The following ZER1 variants were observed in gnomAD, a reference collection of about 807,000 sequenced individuals.
ZER1 encodes protein zer-1 homolog.
A neutral mutation model predicts 78.8 loss-of-function variants in ZER1; 11 were observed. The ratio of observed to expected loss-of-function variants is 0.14; its 90% CI spans 0.09 to 0.23. The LOEUF (loss-of-function observed/expected upper bound fraction) is 0.23, where lower values mean the gene tolerates loss of function less well. Ranked by LOEUF, ZER1 falls within the 10% of genes least tolerant of loss-of-function variation. The pLI is 1.00. For missense variants in ZER1, 588 were observed against 996.9 expected (o/e 0.59, Z 5.52); for synonymous variants, 400 against 407.0 (o/e 0.98, Z 0.21).
chr9:128,753,760 C>A lies in ZER1; in HGVS notation c.309+49G>T, dbSNP rs1408514739. The A allele has an allele frequency of 6.3e-6, 10 of 1,583,964 alleles. No individual in the cohort carries two copies. Among genetic ancestry groups the A allele is most frequent in the South Asian group, 1.1e-5 (1 of 87,742 alleles). ...GCTGGGCTGGAGGCGAGCAGCCTGG[C>A]CCCTGCTTGGTGTGGGCCCTCCTGG... On this transcript the variant is annotated intron_variant, in intron 3 of 15. Transcript: ENST00000291900. This position sits in a 1 kb window ranked among gnomAD's most constrained non-coding sequence, Gnocchi z 7.5.
intron 1 of ZER1, among the ~76,000 whole-genome samples, chr9:128,758,796 C>T (rs903151322): frequency 3.3e-5 from 5 of 152,040 alleles, no homozygotes; most frequent in African/African-American, 1.2e-4. Flanking sequence ...CACTGTGTCA[C>T]TCCACTAAGT....
At chr9:128,734,177 A>AAAT (rs1554784893) in intron 14 of ZER1, among the ~76,000 whole-genome samples, 5 of 52,724 alleles carry the variant, frequency 9.5e-5, no homozygotes, top group African/African-American at 2.6e-4. Flanking sequence ...TCTTAAAAAA[A>AAAT]ATATATATAT....
chr9:128,756,319 G>A (rs764375396), intron 1 of ZER1, among the ~76,000 whole-genome samples: 33 of 152,082 alleles, frequency 2.2e-4, no homozygotes, highest in Non-Finnish European at 4.1e-4. Flanking sequence ...GGTGGCGGGC[G>A]CCTGTAGTCC....
At chr9:128,766,896 G>T (rs1354355794) in intron 1 of ZER1, among the ~76,000 whole-genome samples, 2 of 147,860 alleles carry the variant, frequency 1.4e-5, no homozygotes, top group African/African-American at 4.9e-5. Flanking sequence ...TTTCCAAGCA[G>T]TTCGCATCAA....
At chr9:128,737,385 G>A (rs926769898) in intron 13 of ZER1, among the ~76,000 whole-genome samples, 5 of 152,162 alleles carry the variant, frequency 3.3e-5, no homozygotes, top group African/African-American at 9.7e-5. Context: ...CAGCGATTCC[G>A]CTTCCTTTCT....
chr9:128,756,366 G>A (rs1221566459), intron 1 of ZER1, among the ~76,000 whole-genome samples: 1 of 152,074 alleles, frequency 6.6e-6, no homozygotes, highest in East Asian at 1.9e-4. Flanking sequence ...GAATGGCGGA[G>A]TGCGGTGAGC....
intron 1 of ZER1, among the ~76,000 whole-genome samples, chr9:128,766,221 C>T (rs1864202691): frequency 6.6e-6 from 1 of 151,596 alleles, no homozygotes; most frequent in East Asian, 2.0e-4. Context: ...TGGTGGCGGG[C>T]GCCTATAGTC....
At chr9:128,765,155 G>A (rs1012905387) in intron 1 of ZER1, among the ~76,000 whole-genome samples, 16 of 152,158 alleles carry the variant, frequency 1.1e-4, no homozygotes, top group African/African-American at 3.9e-4. Flanking sequence ...TACTGCCTGT[G>A]AGCTCTGGGA....
intron 8 of ZER1, among the ~76,000 whole-genome samples, chr9:128,745,318 C>G (rs1293651896): frequency 6.6e-6 from 1 of 150,854 alleles, no homozygotes; most frequent in Non-Finnish European, 1.5e-5. Flanking sequence ...TCCTGAGTAG[C>G]TGGGACTACA....
chr9:128,765,028 G>C (rs187158410), intron 1 of ZER1, among the ~76,000 whole-genome samples: 126 of 152,288 alleles, frequency 8.3e-4, no homozygotes, highest in Admixed American at 6.3e-3. Flanking sequence ...GTGGTCCTAA[G>C]CTCCTTACAG....
In ZER1 at chr9:128,731,222, T is replaced by A; in HGVS notation, c.*115A>T. ...GCGTCGGTTGTGCAAAAGTCCCCCA[T>A]GTCTCTTCACTCCGTGGGAGGCTCC... is the stretch of plus-strand genomic sequence containing the variant. On this transcript the variant is annotated 3_prime_UTR_variant, in exon 16 of 16. Transcript: ENST00000291900. 5 of 796,280 alleles carry A rather than the reference T, an allele frequency of 6.3e-6. No homozygotes were observed. Among genetic ancestry groups the A allele is most frequent in the Non-Finnish European group, 9.8e-6 (5 of 508,798 alleles). 49.3% of individuals were successfully genotyped at this position (796,280 alleles called of 1,614,324 possible). A position where few individuals can be genotyped will look rare whatever the true frequency, so the allele number is the denominator to read the frequency against.
At chr9:128,769,309 G>A (rs936778370) in intron 1 of ZER1, among the ~76,000 whole-genome samples, 24 of 152,122 alleles carry the variant, frequency 1.6e-4, no homozygotes, top group African/African-American at 5.1e-4. Context: ...CCTCATCAGC[G>A]TGACCGCTAT....
intron 1 of ZER1, among the ~76,000 whole-genome samples, chr9:128,769,793 A>T (rs1458367960): frequency 6.6e-6 from 1 of 151,960 alleles, no homozygotes; most frequent in African/African-American, 2.4e-5. Flanking sequence ...GCATAACTTA[A>T]CTTGATTTAA....
At chr9:128,760,321 G>C (rs1270966728) in intron 1 of ZER1, among the ~76,000 whole-genome samples, 2 of 152,066 alleles carry the variant, frequency 1.3e-5, no homozygotes, top group African/African-American at 4.8e-5. Flanking sequence ...TCCTGCCCCA[G>C]CCTCCCGAGT....
chr9:128,752,974 T>C (rs1333917208), intron 4 of ZER1, 125 bp from the exon 5 acceptor site: 13 of 1,355,178 alleles, frequency 9.6e-6, no homozygotes, highest in Non-Finnish European at 1.3e-5. Flanking sequence ...CCCAGGGCAT[T>C]CTGGGAAGAA....
rs1250635321 is a variant in ZER1 at position 128,753,078 on chromosome 9, C to A, written c.746+86G>T. 7.3e-7 allele frequency: 1 copy of A among 1,376,560 alleles called. No homozygotes were observed. Among genetic ancestry groups the A allele is most frequent in the Non-Finnish European group, 9.7e-7 (1 of 1,035,528 alleles). The allele number at this position is 1,376,560 out of a possible 1,614,324, so 85.3% of individuals were successfully genotyped here. On this transcript the variant is annotated intron_variant, in intron 4 of 15. Transcript: ENST00000291900. This position sits in a 1 kb window ranked among gnomAD's most constrained non-coding sequence, Gnocchi z 7.5. ...CTCTGCCTAGCCAAGCGCTCCTGAA[C>A]CCTGAGGGCGTGACAACACCCACCT...
At position 128,734,138 on chromosome 9, in the gene ZER1, A is replaced by T. The variant is rs1160189049; in HGVS notation, c.2141-610T>A. On this transcript the variant is annotated intron_variant, in intron 14 of 15. Transcript: ENST00000291900. Reference sequence around the variant, plus strand: ...GCAAAACTCCGTCTCAAAAAAAAAAAAAAAAAATATATATATATATATATA... The same window carrying T: ...GCAAAACTCCGTCTCAAAAAAAAAATAAAAAAATATATATATATATATATA... 3.9e-4 allele frequency among the ~76,000 whole-genome samples: 7 copies of T among 17,770 alleles called. 1 individual carries two copies. The South Asian group carries it at 0.015, about 38-fold the overall frequency. The allele number at this position is 17,770 out of a possible 152,430, so 11.7% of individuals were successfully genotyped here.
In ZER1 at chr9:128,751,357, C is replaced by T; in HGVS notation, c.1038+56G>A. ...CTCAGTCTCCAGCCCCAGAATCCAGCTCCTTCTCTCTCCCAAGGCTCCCTG... is the reference window on the plus strand; with the variant it reads ...CTCAGTCTCCAGCCCCAGAATCCAGTTCCTTCTCTCTCCCAAGGCTCCCTG... On this transcript the variant is annotated intron_variant, in intron 6 of 15. Coordinates refer to ENST00000291900, the MANE Select transcript of ZER1 (RefSeq NM_006336.4). This position sits in a 1 kb window ranked among gnomAD's most constrained non-coding sequence, Gnocchi z 5.4. 6.2e-7 allele frequency: 1 copy of T among 1,612,434 alleles called. No homozygotes were observed. Among genetic ancestry groups the T allele is most frequent in the Non-Finnish European group, 8.5e-7 (1 of 1,178,710 alleles).
At chr9:128,752,049 C>T (rs141404515) in intron 5 of ZER1, among the ~76,000 whole-genome samples, 2 of 152,342 alleles carry the variant, frequency 1.3e-5, no homozygotes, top group East Asian at 3.9e-4. Context: ...CATGCTCTCA[C>T]CTACTGGCCT....
Sources: allele counts gnomAD v4.1 joint callset (sites outside exome capture counted in the v4.1 genomes callset), GRCh38; gene constraint gnomAD v4.1.1; non-coding constraint Gnocchi (gnomAD v3.1); transcripts MANE v1.5; gene names NCBI Gene and HGNC (gene_info 2026-07-23, HGNC 2026-07-21).